The following PLXNA4 variants were observed in gnomAD, a reference collection of about 807,000 sequenced individuals.
The protein encoded by PLXNA4 is plexin-A4.
Under a neutral mutation model 191.8 loss-of-function variants are expected in PLXNA4, and 44 were observed. The observed-to-expected ratio is 0.23, with a 90% CI of 0.18 to 0.29. PLXNA4 has a LOEUF of 0.29. PLXNA4 is among the 10% of genes least tolerant of loss of function. The pLI is 1.00. For synonymous variants in PLXNA4, 1,082 were observed against 1,009.5 expected (o/e 1.07, Z -1.36); for missense variants, 1,800 against 2,488.8 (o/e 0.72, Z 5.89).
At chr7:132,548,853 A>G in intron 1 of PLXNA4, among the ~76,000 whole-genome samples, 1 of 152,194 alleles carries the variant, frequency 6.6e-6, no homozygotes. Context: ...GAAGCTGGCC[A>G]AAACTCACCA....
At chr7:132,472,288 A>T (rs572167283) in intron 3 of PLXNA4, among the ~76,000 whole-genome samples, 23 of 152,310 alleles carry the variant, frequency 1.5e-4, no homozygotes, top group African/African-American at 5.1e-4. Context: ...CTCGCTCAGA[A>T]ATATTTTCCT....
intron 3 of PLXNA4, among the ~76,000 whole-genome samples, chr7:132,373,629 A>G (rs913608840): frequency 1.3e-5 from 2 of 152,200 alleles, no homozygotes; most frequent in African/African-American, 2.4e-5. Context: ...TTTAAAACAA[A>G]TACACTTGAA....
intron 1 of PLXNA4, among the ~76,000 whole-genome samples, chr7:132,546,803 A>C (rs889603193): frequency 6.6e-6 from 1 of 152,176 alleles, no homozygotes; most frequent in Non-Finnish European, 1.5e-5. Flanking sequence ...TTCTGGTTAC[A>C]TCAGTCTGGA....
chr7:132,251,051 C>CTT (rs34455636), intron 4 of PLXNA4, among the ~76,000 whole-genome samples: 4,262 of 129,948 alleles, frequency 0.033, 166 homozygotes, highest in African/African-American at 0.076. Context: ...CTGTTCCAGC[C>CTT]TTTTTTTTTT....
intron 12 of PLXNA4, 106 bp downstream of exon 12, chr7:132,202,540 G>T: frequency 8.1e-7 from 1 of 1,230,326 alleles, no homozygotes; most frequent in Non-Finnish European, 1.1e-6. Context: ...AGTCCACCCA[G>T]TGACTACTGG....
intron 3 of PLXNA4, among the ~76,000 whole-genome samples, chr7:132,329,089 AC>A (rs1466902243): frequency 6.6e-6 from 1 of 152,182 alleles, no homozygotes; most frequent in Non-Finnish European, 1.5e-5. Flanking sequence ...GTGGAGCTCA[AC>A]CGTCTGTGCT....
intron 3 of PLXNA4, among the ~76,000 whole-genome samples, chr7:132,392,653 A>G (rs2116999625): frequency 6.6e-6 from 1 of 152,336 alleles, no homozygotes; most frequent in Non-Finnish European, 1.5e-5. Context: ...AGCATCGCGC[A>G]TTGCTGTATG....
chr7:132,515,048 T>A (rs533818575), intron 1 of PLXNA4, among the ~76,000 whole-genome samples: 3 of 152,238 alleles, frequency 2.0e-5, no homozygotes, highest in East Asian at 3.9e-4. Flanking sequence ...CGGGAGGGCA[T>A]AGTGATTGGA....
chr7:132,284,445 C>A (rs1305262168), intron 4 of PLXNA4, among the ~76,000 whole-genome samples: 1 of 152,190 alleles, frequency 6.6e-6, no homozygotes, highest in Non-Finnish European at 1.5e-5. Flanking sequence ...ATTTATTTCC[C>A]AGCCTGTGGA....
In PLXNA4 at chr7:132,159,561, G is replaced by A; in HGVS notation, c.4572C>T (p.Thr1524=). ...GAATCTTCTCCTTGACCTGAGTGAT[G>A]GTGTCACAGTTGAGGATCTTTACTG... The part of the protein sequence containing the change: ...EVPVKILNCD[T]ITQVKEKILD... The change falls in exon 25 of 32, where the codon ACC becomes ACT. Residue 1524 remains threonine (T), a synonymous_variant. Coordinates refer to ENST00000321063, the MANE Select transcript of PLXNA4 (RefSeq NM_020911.2). 1 of 1,614,126 alleles carries A rather than the reference G, an allele frequency of 6.2e-7. No homozygotes were observed. The highest frequency in any genetic ancestry group is 1.1e-5 in the South Asian group (1 of 91,070).
At chr7:132,337,637 C>T (rs1038798938) in intron 3 of PLXNA4, among the ~76,000 whole-genome samples, 5 of 152,210 alleles carry the variant, frequency 3.3e-5, no homozygotes, top group African/African-American at 1.2e-4. Flanking sequence ...ACATTCTCTT[C>T]CTATTGCTGA....
At chr7:132,444,218 T>A (rs1795805306) in intron 3 of PLXNA4, among the ~76,000 whole-genome samples, 1 of 152,262 alleles carries the variant, frequency 6.6e-6, no homozygotes, top group African/African-American at 2.4e-5. Flanking sequence ...ATTTTAATGA[T>A]GCCCTTTGGC....
chr7:132,444,490 C>A (rs183447625), intron 3 of PLXNA4, among the ~76,000 whole-genome samples: 266 of 152,326 alleles, frequency 1.7e-3, no homozygotes, highest in Middle Eastern at 3.4e-3. Flanking sequence ...CTTGACCTCC[C>A]AAAGTGCTGG....
chr7:132,328,163 G>T (rs917667648), intron 3 of PLXNA4, among the ~76,000 whole-genome samples: 2 of 152,124 alleles, frequency 1.3e-5, no homozygotes. Context: ...TCACTGGGTC[G>T]GGCGGGCGCT....
At position 132,140,781 on chromosome 7, in the gene PLXNA4, G is replaced by C. The variant is rs563607771; in HGVS notation, c.5256C>G (p.Ile1752Met). The change falls in exon 30 of 32, where the codon ATC becomes ATG. Residue 1752 changes from isoleucine (I) to methionine (M), a missense_variant. This residue lies in a region of PLXNA4 where 101 missense variants were observed against 182.8 expected (regional missense o/e 0.55). Coordinates refer to ENST00000321063, the MANE Select transcript of PLXNA4 (RefSeq NM_020911.2). The stretch of plus-strand genomic sequence containing the variant: ...TGTCAAACACAAACTGCGGGTTCTT[G>C]ATCATGTTGACCCAAAACCTCAGGG... Reference protein sequence around the residue: ...CLPLRFWVNMIKNPQFVFDIH... With the variant: ...CLPLRFWVNMMKNPQFVFDIH... 6.2e-7 allele frequency: 1 copy of C among 1,614,078 alleles called. No individual in the cohort carries two copies. The highest frequency in any genetic ancestry group is 1.1e-5 in the South Asian group (1 of 91,048).
intron 4 of PLXNA4, among the ~76,000 whole-genome samples, chr7:132,297,534 T>A (rs1584958426): frequency 6.6e-6 from 1 of 152,146 alleles, no homozygotes. Context: ...ACCATATCTG[T>A]TCTTCTCGGG....
intron 1 of PLXNA4, among the ~76,000 whole-genome samples, chr7:132,562,818 T>TC (rs1801297657): frequency 8.5e-6 from 1 of 117,796 alleles, no homozygotes. Flanking sequence ...CTCCTCCTTC[T>TC]CCTCCTCCTT....
Position 132,414,369 on chromosome 7 carries a change from G to A in PLXNA4, c.1371+74923C>T, listed in dbSNP as rs79308490. Among the ~76,000 whole-genome samples, 611 of 152,216 alleles carry A rather than the reference G, an allele frequency of 4.0e-3. 4 individuals carry two copies. Among genetic ancestry groups the A allele is most frequent in the African/African-American group, 0.013 (559 of 41,504 alleles). On this transcript the variant is annotated intron_variant, in intron 3 of 31. Transcript: ENST00000321063. ...TCATTTTTTATGGCTTCAATTAAGC[G>A]ATGGGGAGAATCCATCATGTAACCT... is the stretch of plus-strand genomic sequence containing the variant.
rs1453352884 is a variant in PLXNA4 at position 132,576,038 on chromosome 7, C to T, written c.-87+384G>A. ...TCTCAGGACTTCTCCCATTTTAAAG[C>T]CCAGCTAGGGACGAAAGGGGCTGGG... is the stretch of plus-strand genomic sequence containing the variant. On this transcript the variant is annotated intron_variant, in intron 1 of 31. Transcript: ENST00000321063. The surrounding 1 kb of genome is among the most constrained non-coding windows in gnomAD (Gnocchi z 5.8). Among the ~76,000 whole-genome samples the T allele has an allele frequency of 1.3e-5, 2 of 152,186 alleles. No individual in the cohort carries two copies. The highest frequency in any genetic ancestry group is 2.9e-5 in the Non-Finnish European group (2 of 68,036).
Sources: allele counts gnomAD v4.1 joint callset (sites outside exome capture counted in the v4.1 genomes callset), GRCh38; gene constraint gnomAD v4.1.1; regional missense constraint gnomAD v4.1.1; non-coding constraint Gnocchi (gnomAD v3.1); transcripts MANE v1.5; gene names NCBI Gene and HGNC (gene_info 2026-07-23, HGNC 2026-07-21).